The following NOX3 variants were observed in gnomAD, a reference collection of about 807,000 sequenced individuals.
The protein encoded by NOX3 is NADPH oxidase 3, also known as NADPH oxidase catalytic subunit-like 3.
A neutral mutation model predicts 76.7 loss-of-function variants in NOX3; 74 were observed. That is an observed-to-expected ratio of 0.96 (90% CI 0.80 to 1.17). NOX3 has a LOEUF of 1.17. NOX3 is among the 50% of genes most tolerant of loss of function. The pLI is 0.00. For missense variants in NOX3, 695 were observed against 703.3 expected, an observed-to-expected ratio of 0.99 and a Z score of 0.13; for synonymous variants, 263 against 261.1, an observed-to-expected ratio of 1.01 and a Z score of -0.07.
chr6:155,440,710 T>C (rs1776973951), intron 5 of NOX3, among the ~76,000 whole-genome samples: 1 of 151,394 alleles, frequency 6.6e-6, no homozygotes, highest in Non-Finnish European at 1.5e-5. Context: ...AAAGTGATTA[T>C]GTTGAATTGA....
At chr6:155,432,938 G>A (rs1378431339) in intron 7 of NOX3, among the ~76,000 whole-genome samples, 2 of 152,170 alleles carry the variant, frequency 1.3e-5, no homozygotes, top group African/African-American at 4.8e-5. Flanking sequence ...AAAGCTTTTT[G>A]AGAATTGCTT....
chr6:155,446,393 C>T (rs1040905578), intron 4 of NOX3, among the ~76,000 whole-genome samples: 3 of 152,046 alleles, frequency 2.0e-5, no homozygotes, highest in African/African-American at 4.8e-5. Context: ...GCAGGTAGTA[C>T]GTCTCATAGC....
intron 4 of NOX3, among the ~76,000 whole-genome samples, chr6:155,445,195 C>A (rs542279374): frequency 6.6e-6 from 1 of 152,300 alleles, no homozygotes; most frequent in South Asian, 2.1e-4. Context: ...CCATTGGGAT[C>A]AGATTCGTGT....
At chr6:155,445,974 A>ATGC (rs1312218268) in intron 4 of NOX3, among the ~76,000 whole-genome samples, 6 of 78,450 alleles carry the variant, frequency 7.6e-5, no homozygotes, top group African/African-American at 2.6e-4. Flanking sequence ...TATATAATAT[A>ATGC]TATATGCTAT....
At chr6:155,441,088 G>T (rs1037669663) in intron 5 of NOX3, among the ~76,000 whole-genome samples, 3 of 152,222 alleles carry the variant, frequency 2.0e-5, no homozygotes. Context: ...GAGTGCAAGG[G>T]ACAGTAAAAT....
chr6:155,397,100 A>G (rs1032442918), intron 12 of NOX3, 138 bp from the exon 13 acceptor site: 4 of 767,126 alleles, frequency 5.2e-6, no homozygotes, highest in South Asian at 2.3e-5. Context: ...TTTTTCTTAG[A>G]TTCTTTTTTT....
intron 10 of NOX3, among the ~76,000 whole-genome samples, chr6:155,422,262 G>A (rs766760786): frequency 9.9e-5 from 15 of 152,100 alleles, no homozygotes; most frequent in Non-Finnish European, 1.8e-4. Flanking sequence ...ACAGCAAGCC[G>A]GCCAATAAAT....
At position 155,428,966 on chromosome 6, in the gene NOX3, C is replaced by T; in HGVS notation, c.973G>A (p.Val325Met). 1 of 1,614,012 alleles carries T rather than the reference C, an allele frequency of 6.2e-7. No homozygotes were observed. Among genetic ancestry groups the T allele is most frequent in the Non-Finnish European group, 8.5e-7 (1 of 1,179,928 alleles). ...FKMAPGQYIL[V>M]QCPAISSLEW... Reference sequence around the variant, plus strand: ...AGCGAAGATATGGCTGGGCACTGCACCAAGATGTACTGCCCTGGCGCCATT... The same window carrying T: ...AGCGAAGATATGGCTGGGCACTGCATCAAGATGTACTGCCCTGGCGCCATT... Residue 325 changes from valine to methionine, a missense_variant, in exon 9 of 14, where the codon GTG becomes ATG. Physicochemically the swap from Val to Met is conservative, Grantham distance 21. Transcript: ENST00000159060.
At chr6:155,419,422 T>C (rs1411056285) in intron 10 of NOX3, among the ~76,000 whole-genome samples, 1 of 152,134 alleles carries the variant, frequency 6.6e-6, no homozygotes, top group Admixed American at 6.6e-5. Flanking sequence ...TCATCTCCGC[T>C]CGAGGTGCAG....
chr6:155,397,725 G>A (rs894020284), intron 12 of NOX3, among the ~76,000 whole-genome samples: 2 of 152,176 alleles, frequency 1.3e-5, no homozygotes, highest in African/African-American at 4.8e-5. Flanking sequence ...CTAATATCCT[G>A]TTCAGCCCTG....
intron 8 of NOX3, among the ~76,000 whole-genome samples, chr6:155,430,070 G>A (rs975239758): frequency 6.6e-5 from 10 of 152,150 alleles, no homozygotes; most frequent in African/African-American, 4.8e-5. Flanking sequence ...TCATGAAGGC[G>A]GCTACAGAGA....
rs397971562 is a variant in NOX3, at chr6:155,419,867, A to AT, written c.1308+2826dup. On this transcript the variant is annotated intron_variant, in intron 10 of 13. Coordinates refer to ENST00000159060, the MANE Select transcript of NOX3 (RefSeq NM_015718.3). The stretch of plus-strand genomic sequence containing the variant: ...GGAATTTAGTAAAAATCATTGAAGA[A>AT]TTTTTTTGGTTACATAAACAAAACC... 3.6e-3 allele frequency among the ~76,000 whole-genome samples: 544 copies of AT among 152,232 alleles called. 4 individuals carry two copies. Among genetic ancestry groups the AT allele is most frequent in the African/African-American group, 0.012 (486 of 41,528 alleles).
At position 155,428,974 on chromosome 6, in the gene NOX3, T is replaced by G. The variant is rs1181118496; in HGVS notation, c.965A>C (p.Tyr322Ser). 6.2e-7 allele frequency: 1 copy of G among 1,613,930 alleles called. No individual in the cohort carries two copies. The highest frequency in any genetic ancestry group is 8.5e-7 in the Non-Finnish European group (1 of 1,179,860). The change falls in exon 9 of 14, where the codon TAC becomes TCC. Residue 322 changes from tyrosine (Y) to serine (S), a missense_variant. Transcript: ENST00000159060. ...TATGGCTGGGCACTGCACCAAGATG[T>G]ACTGCCCTGGCGCCATTTTAAAGCC... ...KRGFKMAPGQ[Y>S]ILVQCPAISS...
intron 5 of NOX3, among the ~76,000 whole-genome samples, chr6:155,441,973 A>AGGT (rs1367978590): frequency 6.6e-6 from 1 of 152,184 alleles, no homozygotes; most frequent in African/African-American, 2.4e-5. Flanking sequence ...AGCTAAGAAA[A>AGGT]GGTAGCTCAA....
At position 155,454,751 on chromosome 6, in the gene NOX3, A is replaced by G. The variant is rs1406102383; in HGVS notation, c.255+60T>C. 1.0e-5 allele frequency: 10 copies of G among 978,630 alleles called. No homozygotes were observed. The East Asian group carries it at 2.1e-4, about 20-fold the overall frequency. 60.6% of individuals were successfully genotyped at this position (978,630 alleles called of 1,614,324 possible). A position where few individuals can be genotyped will look rare whatever the true frequency, so the allele number is the denominator to read the frequency against. The stretch of plus-strand genomic sequence containing the variant: ...TCATAATAAAGTACATTTTTTTTCA[A>G]TGGCACTTATATGAGGAAGTCGTAA... On this transcript the variant is annotated intron_variant, in intron 3 of 13. Coordinates refer to ENST00000159060, the MANE Select transcript of NOX3 (RefSeq NM_015718.3).
chr6:155,407,344 G>T, intron 11 of NOX3, 90 bp from the exon 12 acceptor site: 2 of 1,263,556 alleles, frequency 1.6e-6, no homozygotes, highest in Non-Finnish European at 1.1e-6. Context: ...TTCATTTGTA[G>T]ATTTAATTAA....
chr6:155,434,632 T>C (rs890631383), intron 7 of NOX3, among the ~76,000 whole-genome samples: 6 of 152,168 alleles, frequency 3.9e-5, no homozygotes, highest in African/African-American at 9.7e-5. Flanking sequence ...AGAAGAGATA[T>C]TGGCAAAGAC....
intron 12 of NOX3, among the ~76,000 whole-genome samples, chr6:155,401,182 CT>C (rs1779221258): frequency 6.6e-6 from 1 of 152,190 alleles, no homozygotes; most frequent in South Asian, 2.1e-4. Flanking sequence ...ACTCACCCAT[CT>C]CTCCAATCCC....
intron 4 of NOX3, among the ~76,000 whole-genome samples, chr6:155,444,795 C>T (rs908486350): frequency 6.6e-6 from 1 of 152,134 alleles, no homozygotes; most frequent in Admixed American, 6.5e-5. Context: ...TCCCCTGTTT[C>T]AGGCATCTGC....
Sources: gnomAD v4.1 joint callset for allele counts (sites outside exome capture counted in the v4.1 genomes callset) on GRCh38, gnomAD v4.1.1 for gene constraint, MANE v1.5 for transcripts, NCBI Gene and HGNC (gene_info 2026-07-23, HGNC 2026-07-21) for gene names.